Variants in CTNNA2 observed in about 807,000 individuals in gnomAD.
CTNNA2 encodes the protein catenin alpha-2.
Under a neutral mutation model 101.0 loss-of-function variants are expected in CTNNA2, and 42 were observed. The observed-to-expected ratio is 0.42, with a 90% CI of 0.32 to 0.54. CTNNA2 has a LOEUF of 0.54. CTNNA2 is among the 20% of genes least tolerant of loss of function. The pLI is 0.14. For synonymous variants in CTNNA2, 450 were observed against 456.4 expected (o/e 0.99, Z 0.18); for missense variants, 871 against 1,223.1 (o/e 0.71, Z 4.29).
intron 15 of CTNNA2, among the ~76,000 whole-genome samples, chr2:80,597,135 C>A (rs142659929): frequency 6.6e-6 from 1 of 151,978 alleles, no homozygotes; most frequent in East Asian, 1.9e-4. Flanking sequence ...ATTTTTGCAT[C>A]GATGTTCATC....
intron 3 of CTNNA2, among the ~76,000 whole-genome samples, chr2:79,824,713 T>TATAGCTGCCATGGATGCCTAAAA (rs1678280693): frequency 6.6e-6 from 1 of 152,186 alleles, no homozygotes; most frequent in African/African-American, 2.4e-5. Flanking sequence ...TCCTACATTG[T>TATAGCTGCCATGGATGCCTAAAA]ATAGCTGCCA....
intron 1 of CTNNA2, among the ~76,000 whole-genome samples, chr2:79,648,962 A>G (rs2104460868): frequency 6.6e-6 from 1 of 152,304 alleles, no homozygotes. Flanking sequence ...ATGACTAAAA[A>G]GATTGATCCT....
chr2:79,269,384 A>G (rs1250630784), intron 2 of CTNNA2, among the ~76,000 whole-genome samples: 3 of 152,136 alleles, frequency 2.0e-5, no homozygotes, highest in Non-Finnish European at 2.9e-5. Context: ...CACCAAGTTC[A>G]CTTTTCGTTC....
At chr2:79,512,204 C>T (rs962670876), upstream of CTNNA2, among the ~76,000 whole-genome samples, 1 of 152,122 alleles carries the variant, frequency 6.6e-6, no homozygotes, top group African/African-American at 2.4e-5. Context: ...TACAGTATAA[C>T]CTCTCAGAGG....
At chr2:80,344,113 T>G (rs1672501674) in intron 7 of CTNNA2, among the ~76,000 whole-genome samples, 1 of 152,154 alleles carries the variant, frequency 6.6e-6, no homozygotes, top group African/African-American at 2.4e-5. Flanking sequence ...CACCTCTTAC[T>G]CACTATCAGC....
chr2:80,278,168 G>T (rs1250471648), intron 7 of CTNNA2, among the ~76,000 whole-genome samples: 1 of 152,068 alleles, frequency 6.6e-6, no homozygotes, highest in Non-Finnish European at 1.5e-5. Context: ...TAAAAATTCT[G>T]TGAAGTAATG....
At chr2:79,853,822 C>A (rs1168071602) in intron 3 of CTNNA2, among the ~76,000 whole-genome samples, 2 of 151,986 alleles carry the variant, frequency 1.3e-5, no homozygotes, top group African/African-American at 4.8e-5. Context: ...GCATGTGCCA[C>A]CATGCCTGGC....
intron 1 of CTNNA2, among the ~76,000 whole-genome samples, chr2:79,571,075 T>C (rs1408945793): frequency 6.6e-6 from 1 of 152,190 alleles, no homozygotes; most frequent in East Asian, 1.9e-4. Flanking sequence ...ATGAATAGCC[T>C]AGAAAAATGT....
At chr2:79,817,945 G>A (rs1211225235) in intron 3 of CTNNA2, among the ~76,000 whole-genome samples, 1 of 152,144 alleles carries the variant, frequency 6.6e-6, no homozygotes, top group Non-Finnish European at 1.5e-5. Context: ...GACATGTGAT[G>A]AAGAATTTTA....
chr2:79,999,087 C>G (rs1043661200), intron 7 of CTNNA2, among the ~76,000 whole-genome samples: 32 of 151,602 alleles, frequency 2.1e-4, no homozygotes, highest in African/African-American at 7.5e-4. Context: ...AAAAAAAAGA[C>G]AAAAACATGA....
intron 2 of CTNNA2, among the ~76,000 whole-genome samples, chr2:79,280,778 T>C (rs1189710390): frequency 1.3e-5 from 2 of 151,720 alleles, no homozygotes; most frequent in African/African-American, 2.4e-5. Context: ...GGACCACCCT[T>C]GGTTGGCTAG....
chr2:80,131,393 G>A (rs910943917), intron 7 of CTNNA2, among the ~76,000 whole-genome samples: 8 of 152,110 alleles, frequency 5.3e-5, no homozygotes, highest in African/African-American at 1.9e-4. Context: ...AAGCTGGGTG[G>A]AAACATACAC....
intron 3 of CTNNA2, among the ~76,000 whole-genome samples, chr2:79,328,310 A>G (rs1478734190): frequency 6.6e-6 from 1 of 152,186 alleles, no homozygotes; most frequent in Non-Finnish European, 1.5e-5. Flanking sequence ...GCATCTGGGA[A>G]GACTGTGGAA....
chr2:80,647,509 C>T lies in CTNNA2; in HGVS notation c.2575-76C>T, dbSNP rs528374578. On this transcript the variant is annotated intron_variant, in intron 18 of 18. Coordinates refer to ENST00000402739, the MANE Select transcript of CTNNA2 (RefSeq NM_001282597.3). ...TGCACAAGGAAAACATTATTTTAAC[C>T]GTGAAAGTACATCACCATTTTGTGA... 5.6e-5 allele frequency: 67 copies of T among 1,199,696 alleles called. No homozygotes were observed. The East Asian group carries it at 1.2e-3, about 21-fold the overall frequency. The allele number at this position is 1,199,696 out of a possible 1,614,324, so 74.3% of individuals were successfully genotyped here. A position where few individuals can be genotyped will look rare whatever the true frequency, so the allele number is the denominator to read the frequency against.
chr2:79,268,688 T>C (rs1400880595), intron 2 of CTNNA2, among the ~76,000 whole-genome samples: 1 of 152,044 alleles, frequency 6.6e-6, no homozygotes, highest in Non-Finnish European at 1.5e-5. Context: ...AGTTGAACTG[T>C]GTTGGGAGGA....
rs546188770 is a variant in CTNNA2, at chr2:79,484,675, T to C, written c.-134-20379T>C. ...GGCGTATTGCACACGAATACTTTTA[T>C]AGGTGAGCTATCCTGAGCTCACCTG... On this transcript the variant is annotated intron_variant, in intron 4 of 21. Coordinates refer to the CTNNA2 transcript ENST00000466387. Among the ~76,000 whole-genome samples, 5 of 152,276 alleles carry C rather than the reference T, an allele frequency of 3.3e-5. No individual in the cohort carries two copies. The East Asian group carries it at 7.7e-4, about 24-fold the overall frequency.
At chr2:80,541,269 A>G (rs1691534507) in intron 9 of CTNNA2, among the ~76,000 whole-genome samples, 1 of 152,212 alleles carries the variant, frequency 6.6e-6, no homozygotes. Context: ...AAGAAAATAC[A>G]AGGTGAATGA....
chr2:80,458,444 A>C (rs1054540171), intron 9 of CTNNA2, among the ~76,000 whole-genome samples: 2 of 152,222 alleles, frequency 1.3e-5, no homozygotes, highest in South Asian at 2.1e-4. Flanking sequence ...TTATGTTAAA[A>C]AATAACAAAT....
chr2:80,330,350 C>T (rs1321675652), intron 7 of CTNNA2, among the ~76,000 whole-genome samples: 1 of 152,194 alleles, frequency 6.6e-6, no homozygotes, highest in Non-Finnish European at 1.5e-5. Context: ...AGGCCATGCC[C>T]ACAGATAACT....
Sources: gnomAD v4.1 joint callset for allele counts (sites outside exome capture counted in the v4.1 genomes callset) on GRCh38, gnomAD v4.1.1 for gene constraint, MANE v1.5 for transcripts, NCBI Gene and HGNC (gene_info 2026-07-23, HGNC 2026-07-21) for gene names.